DIP2B: variants seen among roughly 807,000 people sequenced by gnomAD.
The protein encoded by DIP2B is disco-interacting protein 2 homolog B.
A neutral mutation model predicts 198.0 loss-of-function variants in DIP2B; 76 were observed. That is an observed-to-expected ratio of 0.38 (90% CI 0.32 to 0.46). The LOEUF (loss-of-function observed/expected upper bound fraction) is 0.46. Among genes scored for constraint, DIP2B ranks in the 20% least tolerant of loss-of-function variants. DIP2B has a pLI of 0.99. For missense variants in DIP2B, 1,559 were observed against 1,978.4 expected (o/e 0.79, Z 4.02); for synonymous variants, 701 against 739.1 (o/e 0.95, Z 0.84).
chr12:50,514,087 C>T (rs762553682), intron 1 of DIP2B, among the ~76,000 whole-genome samples: 66 of 122,218 alleles, frequency 5.4e-4, no homozygotes, highest in Non-Finnish European at 7.3e-4. Flanking sequence ...TTTTTTGAGA[C>T]GGAGTTTCGC....
rs1940058958 is a variant in DIP2B, at chr12:50,732,380, C to T, written c.3825C>T (p.Asn1275=). The T allele has an allele frequency of 6.2e-7, 1 of 1,614,214 alleles. No individual in the cohort carries two copies. The change falls in exon 32 of 38, where the codon AAC becomes AAT. Residue 1275 remains asparagine (N), a synonymous_variant. Coordinates refer to ENST00000301180, the MANE Select transcript of DIP2B (RefSeq NM_173602.3). ...QVEVLKTRGI[N]LSCVRTCVVV... ...GTGTCTTGCAGACCAGAGGGATCAA[C>T]CTCTCCTGCGTCCGGACCTGTGTGG...
chr12:50,612,451 A>G (rs1490598387), intron 1 of DIP2B, among the ~76,000 whole-genome samples: 1 of 139,494 alleles, frequency 7.2e-6, no homozygotes, highest in Non-Finnish European at 1.5e-5. Context: ...TTTTTTTGAG[A>G]CAGTCTTGCT....
chr12:50,613,447 C>T (rs1236301650), intron 1 of DIP2B, among the ~76,000 whole-genome samples: 2 of 152,224 alleles, frequency 1.3e-5, no homozygotes, highest in Non-Finnish European at 2.9e-5. Flanking sequence ...GTCCTCACTC[C>T]CAGTGCTCCA....
At chr12:50,658,110 A>G (rs969992824) in intron 3 of DIP2B, among the ~76,000 whole-genome samples, 11 of 152,010 alleles carry the variant, frequency 7.2e-5, no homozygotes, top group Non-Finnish European at 1.0e-4. Flanking sequence ...AAGAAAGAAA[A>G]AAAAGAAAAA....
chr12:50,605,887 T>C (rs1196073869), intron 1 of DIP2B, among the ~76,000 whole-genome samples: 1 of 152,218 alleles, frequency 6.6e-6, no homozygotes, highest in East Asian at 1.9e-4. Context: ...AGTAGCATGA[T>C]CTCGGCTCAC....
intron 25 of DIP2B, among the ~76,000 whole-genome samples, chr12:50,719,733 C>T (rs1004346707): frequency 3.3e-5 from 5 of 151,408 alleles, no homozygotes; most frequent in East Asian, 2.0e-4. Context: ...CCCAGCTACT[C>T]GGGAGGCCGA....
At chr12:50,704,292 C>A (rs1486676639) in intron 20 of DIP2B, 72 bp downstream of exon 20, 2 of 1,469,734 alleles carry the variant, frequency 1.4e-6, no homozygotes, top group African/African-American at 1.4e-5. Flanking sequence ...CAGAACAGAA[C>A]AAATTCTGAT....
chr12:50,521,119 T>TA (rs1491469010), intron 1 of DIP2B, among the ~76,000 whole-genome samples: 23 of 121,580 alleles, frequency 1.9e-4, no homozygotes, highest in Non-Finnish European at 3.9e-4. Flanking sequence ...TTTTTTTTTT[T>TA]AATTTGAGAT....
chr12:50,643,094 A>G (rs564207572), intron 3 of DIP2B, among the ~76,000 whole-genome samples: 1 of 150,920 alleles, frequency 6.6e-6, no homozygotes, highest in Admixed American at 6.6e-5. Context: ...CTTTGTTTTT[A>G]TAGCATGTAA....
intron 1 of DIP2B, among the ~76,000 whole-genome samples, chr12:50,551,518 A>G (rs1958427243): frequency 6.6e-6 from 1 of 152,070 alleles, no homozygotes; most frequent in Non-Finnish European, 1.5e-5. Flanking sequence ...ATCTCGGTGC[A>G]CTGCAGCCTG....
At chr12:50,555,743 C>G (rs1016746866) in intron 1 of DIP2B, among the ~76,000 whole-genome samples, 1 of 152,032 alleles carries the variant, frequency 6.6e-6, no homozygotes, top group Admixed American at 6.6e-5. Context: ...TCCTTTCACC[C>G]CATGCTTGTT....
At chr12:50,632,910 C>A (rs750304356) in intron 2 of DIP2B, among the ~76,000 whole-genome samples, 1 of 151,766 alleles carries the variant, frequency 6.6e-6, no homozygotes, top group Non-Finnish European at 1.5e-5. Context: ...TGCACATGCT[C>A]CTTACCTAAA....
intron 3 of DIP2B, among the ~76,000 whole-genome samples, chr12:50,641,763 C>T (rs547059947): frequency 6.6e-6 from 1 of 152,204 alleles, no homozygotes; most frequent in Admixed American, 6.5e-5. Context: ...AGAGGAACGA[C>T]TGGTAGATCC....
At chr12:50,708,922 G>A (rs1056472924) in intron 22 of DIP2B, among the ~76,000 whole-genome samples, 7 of 152,226 alleles carry the variant, frequency 4.6e-5, no homozygotes, top group Non-Finnish European at 8.8e-5. Flanking sequence ...AAGTGGTGCC[G>A]ATGGTGTGAG....
At chr12:50,626,749 A>G (rs1403264260) in intron 2 of DIP2B, among the ~76,000 whole-genome samples, 2 of 148,332 alleles carry the variant, frequency 1.3e-5, no homozygotes, top group Non-Finnish European at 3.0e-5. Context: ...TGTTTCTGCA[A>G]GCCTGTTCTT....
At chr12:50,637,551 A>G (rs1938181809) in intron 2 of DIP2B, among the ~76,000 whole-genome samples, 2 of 152,194 alleles carry the variant, frequency 1.3e-5, no homozygotes, top group East Asian at 1.9e-4. Context: ...TTAAATCCTT[A>G]TTATGTGGGC....
At position 50,748,125 on chromosome 12, in the gene DIP2B, A is replaced by C. The variant is rs116468685; in HGVS notation, c.*3286A>C. 1 of 152,626 alleles carries C rather than the reference A, an allele frequency of 6.6e-6. No homozygotes were observed. Among genetic ancestry groups the C allele is most frequent in the Non-Finnish European group, 1.5e-5 (1 of 68,036 alleles). 9.5% of individuals were successfully genotyped at this position (152,626 alleles called of 1,614,324 possible). A position where few individuals can be genotyped will look rare whatever the true frequency, so the allele number is the denominator to read the frequency against. ...AAGGGCCCGAGGCCTTAGGTTTTCT[A>C]TTAAGGTCTCTGCCCCAGGCATGGT... On this transcript the variant is annotated 3_prime_UTR_variant, in exon 38 of 38. Coordinates refer to ENST00000301180, the MANE Select transcript of DIP2B (RefSeq NM_173602.3).
intron 1 of DIP2B, among the ~76,000 whole-genome samples, chr12:50,579,378 C>CAAGGAG (rs1958693744): frequency 6.6e-6 from 1 of 151,296 alleles, no homozygotes; most frequent in South Asian, 2.1e-4. Flanking sequence ...TTTGGGAGGC[C>CAAGGAG]AAGGAGGGCA....
At chr12:50,559,338 C>A (rs1156289598) in intron 1 of DIP2B, among the ~76,000 whole-genome samples, 4 of 127,508 alleles carry the variant, frequency 3.1e-5, no homozygotes, top group African/African-American at 1.2e-4. Context: ...TTTTGCTGGG[C>A]TGGCATAACA....
Sources: allele counts gnomAD v4.1 joint callset (sites outside exome capture counted in the v4.1 genomes callset), GRCh38; gene constraint gnomAD v4.1.1; transcripts MANE v1.5; gene names NCBI Gene and HGNC (gene_info 2026-07-23, HGNC 2026-07-21).